The following CTNNA3 variants were observed in gnomAD, a reference collection of about 807,000 sequenced individuals.
The protein encoded by CTNNA3 is catenin alpha 3.
A neutral mutation model predicts 95.7 loss-of-function variants in CTNNA3; 76 were observed. The observed-to-expected ratio is 0.79, with a 90% CI of 0.66 to 0.96. CTNNA3 has a LOEUF of 0.96. Among genes scored for constraint, CTNNA3 ranks in the 40% least tolerant of loss-of-function variants. The probability of loss-of-function intolerance (pLI) is 0.00; values close to 1 mark genes in which losing one functional copy is unlikely to be tolerated. For synonymous variants in CTNNA3, 431 were observed against 374.4 expected, an observed-to-expected ratio of 1.15 and a Z score of -1.74; for missense variants, 1,191 against 1,089.8, an observed-to-expected ratio of 1.09 and a Z score of -1.31.
chr10:67,610,037 A>C (rs184915970), intron 2 of CTNNA3, among the ~76,000 whole-genome samples: 226 of 152,342 alleles, frequency 1.5e-3, no homozygotes, highest in African/African-American at 5.2e-3. Flanking sequence ...GTATTTGTCC[A>C]GATTAAGACA....
At chr10:66,126,604 T>C (rs1332152888) in intron 13 of CTNNA3, among the ~76,000 whole-genome samples, 1 of 152,028 alleles carries the variant, frequency 6.6e-6, no homozygotes, top group Non-Finnish European at 1.5e-5. Context: ...AGGAAATATA[T>C]AGAAAGAACC....
Position 66,830,004 on chromosome 10 carries a change from C to T in CTNNA3, c.1048-54480G>A, listed in dbSNP as rs181423325. Among the ~76,000 whole-genome samples the T allele has an allele frequency of 2.5e-3, 360 of 146,630 alleles. 1 individual carries two copies. The highest frequency in any genetic ancestry group is 9.3e-3 in the African/African-American group (344 of 36,802). On this transcript the variant is annotated intron_variant, in intron 7 of 17. Transcript: ENST00000433211. ...CCTCAGCCTCCAGAGTAGCTGGGAC[C>T]ACAGGCGCCCTCCCACAGGGGATTT...
intron 5 of CTNNA3, among the ~76,000 whole-genome samples, chr10:67,514,741 T>C (rs536316932): frequency 1.3e-5 from 2 of 150,448 alleles, no homozygotes; most frequent in South Asian, 2.1e-4. Flanking sequence ...TTTTGCCATC[T>C]CTGGAATTCC....
At position 66,069,405 on chromosome 10, in the gene CTNNA3, C is replaced by A. The variant is rs574605528; in HGVS notation, c.2062G>T (p.Asp688Tyr). 1 of 1,613,622 alleles carries A rather than the reference C, an allele frequency of 6.2e-7. No individual in the cohort carries two copies. Among genetic ancestry groups the A allele is most frequent in the South Asian group, 1.1e-5 (1 of 91,058 alleles). Residue 688 changes from aspartate to tyrosine, a missense_variant, in exon 15 of 18, where the codon GAT (aspartate) becomes TAT (tyrosine). By Grantham distance (160) the Asp-to-Tyr change is radical. Coordinates refer to ENST00000433211, the MANE Select transcript of CTNNA3 (RefSeq NM_013266.4). ...ADFKKVKSKL[D>Y]AEIEIWDDTS... Reference sequence around the variant, plus strand: ...TCATCCCATATCTCAATCTCAGCATCCAGCTTACTCTTTACTTTCTTGAAA... The same window carrying A: ...TCATCCCATATCTCAATCTCAGCATACAGCTTACTCTTTACTTTCTTGAAA...
At chr10:67,298,032 G>A (rs1840117314) in intron 5 of CTNNA3, among the ~76,000 whole-genome samples, 1 of 152,194 alleles carries the variant, frequency 6.6e-6, no homozygotes, top group African/African-American at 2.4e-5. Flanking sequence ...TCATTGGAAT[G>A]GTAAGATGTA....
At chr10:67,376,302 G>C (rs1049136272) in intron 5 of CTNNA3, among the ~76,000 whole-genome samples, 1 of 152,208 alleles carries the variant, frequency 6.6e-6, no homozygotes, top group Non-Finnish European at 1.5e-5. Context: ...CTGCCTGCAA[G>C]GGAGGCTGGA....
intron 15 of CTNNA3, among the ~76,000 whole-genome samples, chr10:66,002,232 A>G (rs1338645034): frequency 6.6e-6 from 1 of 152,212 alleles, no homozygotes; most frequent in African/African-American, 2.4e-5. Context: ...TTCTTCTACT[A>G]TTCAAACATG....
chr10:66,332,393 A>G (rs1403120463), intron 12 of CTNNA3, among the ~76,000 whole-genome samples: 1 of 20,660 alleles, frequency 4.8e-5, no homozygotes, highest in Non-Finnish European at 9.7e-5. Flanking sequence ...TGTCATAGAT[A>G]CCTCTTTTTA....
intron 1 of CTNNA3, among the ~76,000 whole-genome samples, chr10:67,675,030 C>T (rs996560616): frequency 2.0e-5 from 3 of 151,766 alleles, no homozygotes; most frequent in Non-Finnish European, 4.4e-5. Flanking sequence ...ATAAAGTATC[C>T]CATTGTTGTT....
At chr10:67,449,765 G>A (rs1023879761) in intron 5 of CTNNA3, among the ~76,000 whole-genome samples, 7 of 151,986 alleles carry the variant, frequency 4.6e-5, no homozygotes, top group East Asian at 1.9e-4. Context: ...ATTTCATGAC[G>A]AAGATGCCTA....
At chr10:67,160,529 T>C (rs1235341547) in intron 7 of CTNNA3, among the ~76,000 whole-genome samples, 1 of 150,540 alleles carries the variant, frequency 6.6e-6, no homozygotes, top group Non-Finnish European at 1.5e-5. Flanking sequence ...CCTCGACCAC[T>C]TGGGCTCAAA....
chr10:67,684,152 GT>G (rs1042045796), intron 1 of CTNNA3, among the ~76,000 whole-genome samples: 8 of 152,110 alleles, frequency 5.3e-5, no homozygotes, highest in Non-Finnish European at 8.8e-5. Flanking sequence ...TGATTGGTCC[GT>G]TTTACAGAGT....
At chr10:66,867,092 G>A (rs1013111674) in intron 7 of CTNNA3, among the ~76,000 whole-genome samples, 1 of 150,600 alleles carries the variant, frequency 6.6e-6, no homozygotes, top group African/African-American at 2.5e-5. Context: ...AGCCTCCCTG[G>A]CCACGTGGAA....
intron 7 of CTNNA3, among the ~76,000 whole-genome samples, chr10:67,105,433 C>A (rs1032631757): frequency 1.1e-4 from 17 of 152,098 alleles, no homozygotes; most frequent in African/African-American, 4.1e-4. Flanking sequence ...TCTTGAATTG[C>A]TGCTTCAACC....
chr10:67,389,006 C>T (rs1459039719), intron 5 of CTNNA3, among the ~76,000 whole-genome samples: 3 of 151,662 alleles, frequency 2.0e-5, no homozygotes, highest in East Asian at 3.9e-4. Flanking sequence ...CATCAACTAA[C>T]GAGCAAAATA....
rs1844686737 is a variant in CTNNA3, at chr10:66,619,998, C to G, written c.1374+1694G>C. Reference sequence around the variant, plus strand: ...AACTATTTAATATATGATGGTGGCCCAAATGTCAACACTACTAAATGAAAT... The same window carrying G: ...AACTATTTAATATATGATGGTGGCCGAAATGTCAACACTACTAAATGAAAT... On this transcript the variant is annotated intron_variant, in intron 10 of 17. Transcript: ENST00000433211. 2.0e-5 allele frequency among the ~76,000 whole-genome samples: 3 copies of G among 152,030 alleles called. No individual in the cohort carries two copies. In the South Asian group the frequency reaches 6.2e-4, roughly 32 times the overall value.
intron 7 of CTNNA3, among the ~76,000 whole-genome samples, chr10:67,149,848 A>G (rs1861015759): frequency 1.3e-5 from 2 of 152,246 alleles, no homozygotes; most frequent in Admixed American, 1.3e-4. Context: ...GTAATACACT[A>G]TCAATCAGCA....
At chr10:66,258,715 C>T (rs1462386313) in intron 13 of CTNNA3, among the ~76,000 whole-genome samples, 1 of 152,044 alleles carries the variant, frequency 6.6e-6, no homozygotes, top group East Asian at 1.9e-4. Context: ...GGAATCCCTC[C>T]CCACCTCCCA....
chr10:67,686,026 G>A (rs1227852912), intron 1 of CTNNA3, among the ~76,000 whole-genome samples: 1 of 152,046 alleles, frequency 6.6e-6, no homozygotes, highest in Non-Finnish European at 1.5e-5. Context: ...GGTTTTGGCA[G>A]TCTTATACTC....
Sources: gnomAD v4.1 joint callset for allele counts (sites outside exome capture counted in the v4.1 genomes callset) on GRCh38, gnomAD v4.1.1 for gene constraint, MANE v1.5 for transcripts, NCBI Gene and HGNC (gene_info 2026-07-23, HGNC 2026-07-21) for gene names.